Variants in UNC13C observed in about 807,000 individuals in gnomAD.
UNC13C encodes unc-13 homolog C, also known as protein unc-13 homolog C.
UNC13C carries 174 observed loss-of-function variants against 245.4 expected under a neutral mutation model. The observed-to-expected ratio is 0.71, with a 90% CI of 0.63 to 0.80. The LOEUF is 0.80. Among genes scored for constraint, UNC13C ranks in the 30% least tolerant of loss-of-function variants. The probability of loss-of-function intolerance (pLI) is 0.00; values close to 1 mark genes in which losing one functional copy is unlikely to be tolerated. For missense variants in UNC13C, 2,829 were observed against 2,602.9 expected (o/e 1.09, Z -1.89); for synonymous variants, 992 against 895.1 (o/e 1.11, Z -1.93).
chr15:54,117,107 C>T (rs1021092083), intron 2 of UNC13C, among the ~76,000 whole-genome samples: 12 of 151,670 alleles, frequency 7.9e-5, no homozygotes, highest in Non-Finnish European at 1.5e-4. Flanking sequence ...TTTTTGCTTC[C>T]GATTAGTTTT....
intron 2 of UNC13C, among the ~76,000 whole-genome samples, chr15:54,094,352 T>A (rs999116537): frequency 1.3e-5 from 2 of 152,334 alleles, no homozygotes; most frequent in South Asian, 4.1e-4. Flanking sequence ...TCTGTGCAGC[T>A]GATCTCTCTC....
chr15:54,527,507 T>C (rs1895527737), intron 25 of UNC13C, among the ~76,000 whole-genome samples: 1 of 152,182 alleles, frequency 6.6e-6, no homozygotes, highest in Non-Finnish European at 1.5e-5. Context: ...TTCTGTAAAA[T>C]ATCTAAATCA....
chr15:53,869,049 C>A, the UNC13C span, among the ~76,000 whole-genome samples: 1 of 152,128 alleles, frequency 6.6e-6, no homozygotes, highest in Non-Finnish European at 1.5e-5. Flanking sequence ...GTCAAGGCTG[C>A]ATTGATCCAT....
intron 4 of UNC13C, among the ~76,000 whole-genome samples, chr15:54,198,244 T>C (rs1407438644): frequency 6.6e-6 from 1 of 152,090 alleles, no homozygotes; most frequent in Admixed American, 6.6e-5. Context: ...CTACCTGCCC[T>C]GGTAGCCAAA....
In UNC13C at chr15:54,421,531, C is replaced by A. The variant is rs190474807; in HGVS notation, c.4933+6464C>A. On this transcript the variant is annotated intron_variant, in intron 19 of 32. Coordinates refer to ENST00000260323, the MANE Select transcript of UNC13C (RefSeq NM_001080534.3). ...ATGCAAATTCTTGGGCCCCATCCCA[C>A]ATCTACCTAATCAGACATCCTGGGA... is the stretch of plus-strand genomic sequence containing the variant. Among the ~76,000 whole-genome samples, 190 of 152,140 alleles carry A rather than the reference C, an allele frequency of 1.2e-3. 1 individual carries two copies. The highest frequency in any genetic ancestry group is 5.0e-3 in the Admixed American group (77 of 15,266).
At chr15:54,020,159 T>C (rs1194962593) in intron 2 of UNC13C, among the ~76,000 whole-genome samples, 1 of 152,198 alleles carries the variant, frequency 6.6e-6, no homozygotes, top group Non-Finnish European at 1.5e-5. Context: ...TGAAGAGCAC[T>C]ACTAAAAGCT....
intron 1 of UNC13C, among the ~76,000 whole-genome samples, chr15:53,981,563 C>A (rs922472020): frequency 3.3e-5 from 5 of 152,042 alleles, no homozygotes; most frequent in African/African-American, 1.2e-4. Flanking sequence ...TATTACAAAT[C>A]CTTTCTGGAT....
At chr15:54,447,389 A>T (rs886391987) in intron 19 of UNC13C, among the ~76,000 whole-genome samples, 9 of 152,068 alleles carry the variant, frequency 5.9e-5, no homozygotes, top group African/African-American at 2.2e-4. Context: ...TTGGCTGTGA[A>T]TCTGTCTGGT....
At chr15:54,376,863 A>G (rs2039618531) in intron 17 of UNC13C, among the ~76,000 whole-genome samples, 2 of 152,192 alleles carry the variant, frequency 1.3e-5, no homozygotes, top group South Asian at 4.1e-4. Context: ...AGAACCTCAG[A>G]GTGTTACCTG....
intron 29 of UNC13C, among the ~76,000 whole-genome samples, chr15:54,562,641 G>A (rs1370425250): frequency 6.6e-6 from 1 of 151,944 alleles, no homozygotes; most frequent in African/African-American, 2.4e-5. Context: ...CTATGTATTG[G>A]TGCTCCTTCT....
intron 4 of UNC13C, among the ~76,000 whole-genome samples, chr15:54,163,258 G>A (rs1209539714): frequency 6.6e-6 from 1 of 152,056 alleles, no homozygotes; most frequent in African/African-American, 2.4e-5. Flanking sequence ...ATACACAAAG[G>A]GGCTACTAGC....
chr15:54,575,105 G>A (rs181772512), intron 30 of UNC13C, among the ~76,000 whole-genome samples: 10 of 152,140 alleles, frequency 6.6e-5, no homozygotes, highest in South Asian at 2.1e-4. Context: ...GCATAATCTC[G>A]ACTCACTGCA....
chr15:54,107,944 AT>A (rs1900530245), intron 2 of UNC13C, among the ~76,000 whole-genome samples: 1 of 152,210 alleles, frequency 6.6e-6, no homozygotes, highest in Admixed American at 6.5e-5. Flanking sequence ...TCTAAAAGTT[AT>A]TGAAAACTGG....
intron 25 of UNC13C, among the ~76,000 whole-genome samples, chr15:54,527,443 A>T (rs1251010905): frequency 1.3e-5 from 2 of 152,246 alleles, no homozygotes; most frequent in African/African-American, 4.8e-5. Context: ...ATGGAAAATA[A>T]GATGACTAAA....
At chr15:54,506,195 G>A (rs1894465574) in intron 22 of UNC13C, among the ~76,000 whole-genome samples, 1 of 152,080 alleles carries the variant, frequency 6.6e-6, no homozygotes, top group Non-Finnish European at 1.5e-5. Context: ...GAGTTACAAC[G>A]ATTGCCTAAA....
At chr15:54,174,650 T>C (rs1014984367) in intron 4 of UNC13C, among the ~76,000 whole-genome samples, 4 of 152,202 alleles carry the variant, frequency 2.6e-5, no homozygotes, top group Admixed American at 6.5e-5. Context: ...ATCTTAATCA[T>C]AAATTGTTAA....
chr15:54,581,545 G>T (rs1566922000), intron 30 of UNC13C, among the ~76,000 whole-genome samples: 1 of 152,160 alleles, frequency 6.6e-6, no homozygotes, highest in Non-Finnish European at 1.5e-5. Context: ...AAGTTCTCTG[G>T]TGTCTCATTT....
Position 54,015,817 on chromosome 15 carries a change from T to C in UNC13C, c.2914T>C (p.Phe972Leu). The C allele has an allele frequency of 6.2e-7, 1 of 1,611,306 alleles. No individual in the cohort carries two copies. The highest frequency in any genetic ancestry group is 8.5e-7 in the Non-Finnish European group (1 of 1,178,672). ...AAAGCCAAAGAGAATTCGTCCTTCT[T>C]TCAAAGAAGCAGCTTTAAGGGCCTA... is the stretch of plus-strand genomic sequence containing the variant. ...ITKPKRIRPS[F>L]KEAALRAYKK... is the part of the protein sequence containing the mutation. The change falls in exon 2 of 33, where the codon TTC (phenylalanine) becomes CTC (leucine). Residue 972 changes from phenylalanine to leucine, a missense_variant. Physicochemically the swap from Phe to Leu is conservative, Grantham distance 22. Coordinates refer to ENST00000260323, the MANE Select transcript of UNC13C (RefSeq NM_001080534.3).
chr15:53,845,930 C>G, the UNC13C span, among the ~76,000 whole-genome samples: 4 of 152,010 alleles, frequency 2.6e-5, no homozygotes, highest in Admixed American at 2.6e-4. Context: ...TTTTACTTTA[C>G]AATGCTACAA....
Sources: gnomAD v4.1 joint callset for allele counts (sites outside exome capture counted in the v4.1 genomes callset) on GRCh38, gnomAD v4.1.1 for gene constraint, MANE v1.5 for transcripts, NCBI Gene and HGNC (gene_info 2026-07-23, HGNC 2026-07-21) for gene names.